TENM1: variants seen among roughly 807,000 people sequenced by gnomAD.
TENM1 encodes the protein teneurin transmembrane protein 1.
TENM1 carries 35 observed loss-of-function variants against 174.8 expected under a neutral mutation model. The ratio of observed to expected loss-of-function variants is 0.20; its 90% CI spans 0.15 to 0.27. The LOEUF is 0.27. Among genes scored for constraint, TENM1 ranks in the 10% least tolerant of loss-of-function variants. The pLI, the probability that TENM1 is intolerant of heterozygous loss-of-function variation, is 1.00. For missense variants in TENM1, 1,633 were observed against 2,130.1 expected (o/e 0.77, Z 4.59); for synonymous variants, 781 against 798.7 (o/e 0.98, Z 0.37).
chrX:124,511,090 C>T (rs987407891), intron 18 of TENM1, among the ~76,000 whole-genome samples: 1 of 112,069 alleles, frequency 8.9e-6, no homozygotes, highest in African/African-American at 3.2e-5. Context: ...AAAATGTATA[C>T]AACTCATATC....
chrX:124,975,433 AAATTT>A, the TENM1 span, among the ~76,000 whole-genome samples: 1 of 112,152 alleles, frequency 8.9e-6, no homozygotes, highest in African/African-American at 3.2e-5. Flanking sequence ...ATGTAATATC[AAATTT>A]AATACAGTAT....
the TENM1 span, among the ~76,000 whole-genome samples, chrX:125,039,755 A>T: frequency 1.8e-5 from 2 of 110,625 alleles, no homozygotes; most frequent in East Asian, 5.7e-4. Flanking sequence ...CTTTGATCCT[A>T]GTTTTCTTTT....
rs752499520 is a variant in TENM1, at chrX:124,421,616, T to C, written c.4471+656A>G. On this transcript the variant is annotated intron_variant, in intron 24 of 31. Coordinates refer to ENST00000422452, the Ensembl canonical transcript of TENM1. ...CTACATGTTTTGGGGAGAAGGCTCT[T>C]TTTTTTTTTTTTTTCCAATTTCGAT... Among the ~76,000 whole-genome samples, 176 of 39,528 alleles carry C rather than the reference T, an allele frequency of 4.5e-3. No homozygotes were observed. The Admixed American group carries it at 0.047, about 10-fold the overall frequency. The allele number at this position is 39,528 out of a possible 115,157, so 34.3% of individuals were successfully genotyped here.
At chrX:125,118,988 T>C in the TENM1 span, among the ~76,000 whole-genome samples, 3 of 111,421 alleles carry the variant, frequency 2.7e-5, no homozygotes, top group Non-Finnish European at 5.7e-5. Flanking sequence ...GGAAAGATCC[T>C]ATGTGTTGGG....
chrX:124,614,906 T>A (rs2050363520), intron 11 of TENM1, among the ~76,000 whole-genome samples: 1 of 111,531 alleles, frequency 9.0e-6, no homozygotes, highest in South Asian at 3.8e-4. Flanking sequence ...AAAGCAGCAT[T>A]AAGTGGTAAC....
intron 1 of TENM1, among the ~76,000 whole-genome samples, chrX:124,905,689 TGGTAGTGCG>T (rs2057737069): frequency 1.8e-5 from 2 of 111,398 alleles, no homozygotes; most frequent in Non-Finnish European, 3.8e-5. Context: ...AAGACTAAGC[TGGTAGTGCG>T]GGAAGGCCAA....
intron 5 of TENM1, among the ~76,000 whole-genome samples, chrX:124,690,028 A>G (rs2052476759): frequency 8.9e-6 from 1 of 111,831 alleles, no homozygotes; most frequent in Non-Finnish European, 1.9e-5. Context: ...TGAGACTATG[A>G]TTATGCATAA....
In TENM1 at chrX:124,895,425, CATA is replaced by C. The variant is rs200904666; in HGVS notation, c.478+553_478+555del. Among the ~76,000 whole-genome samples the C allele has an allele frequency of 9.0e-3, 1,006 of 112,082 alleles. 14 individuals are homozygous for C. Among genetic ancestry groups the C allele is most frequent in the African/African-American group, 0.031 (942 of 30,881 alleles). ...GCAAGAAAATCATATATGATTATGA[CATA>C]ATGATACTGCTGCTAGTCCTTATTG... On this transcript the variant is annotated intron_variant, in intron 2 of 31. Transcript: ENST00000422452.
At chrX:124,583,204 G>T (rs1369896382) in intron 11 of TENM1, among the ~76,000 whole-genome samples, 2 of 111,497 alleles carry the variant, frequency 1.8e-5, no homozygotes, top group Non-Finnish European at 3.8e-5. Context: ...CACGCAGCTG[G>T]AGATCTGAGA....
At chrX:124,770,531 G>A (rs184018118) in intron 3 of TENM1, among the ~76,000 whole-genome samples, 103 of 110,535 alleles carry the variant, frequency 9.3e-4, no homozygotes, top group Middle Eastern at 4.6e-3. Context: ...TCAGCCTCCC[G>A]AGTAGCTGGT....
rs1042495451 is a variant in TENM1 at position 124,467,539 on chromosome X, G to A, written c.3950-14048C>T. On this transcript the variant is annotated intron_variant, in intron 22 of 31. Transcript: ENST00000422452. ...AAACCAATCTGTTCAGAAAATAACGGATTAATGCAGGGGTCCTTGATGAAC... is the reference window on the plus strand; with the variant it reads ...AAACCAATCTGTTCAGAAAATAACGAATTAATGCAGGGGTCCTTGATGAAC... 8.1e-5 allele frequency among the ~76,000 whole-genome samples: 9 copies of A among 111,790 alleles called. No homozygotes were observed. In the East Asian group the frequency reaches 8.4e-4, roughly 10 times the overall value.
chrX:124,690,471 C>A (rs2052488638), intron 5 of TENM1, among the ~76,000 whole-genome samples: 1 of 101,002 alleles, frequency 9.9e-6, no homozygotes, highest in South Asian at 4.7e-4. Context: ...GATTTTATAA[C>A]CTGCTTTGTT....
intron 4 of TENM1, among the ~76,000 whole-genome samples, chrX:124,709,776 T>C (rs2053000543): frequency 9.0e-6 from 1 of 110,821 alleles, no homozygotes; most frequent in Non-Finnish European, 1.9e-5. Flanking sequence ...AAATACTATC[T>C]GTTCAAACAG....
chrX:124,537,178 G>C (rs1019438932), intron 15 of TENM1, among the ~76,000 whole-genome samples: 1 of 111,114 alleles, frequency 9.0e-6, no homozygotes, highest in Non-Finnish European at 1.9e-5. Flanking sequence ...CCTCTCCCCG[G>C]TTACCTCACA....
chrX:125,182,393 C>G, the TENM1 span, among the ~76,000 whole-genome samples: 1 of 94,875 alleles, frequency 1.1e-5, no homozygotes, highest in Non-Finnish European at 2.0e-5. Flanking sequence ...TTGTCATGTT[C>G]ACATGACATG....
At chrX:125,065,857 G>A in the TENM1 span, among the ~76,000 whole-genome samples, 1 of 111,907 alleles carries the variant, frequency 8.9e-6, no homozygotes, top group African/African-American at 3.2e-5. Flanking sequence ...GGTGATGTGA[G>A]CATAGGCTGT....
chrX:124,452,240 C>T (rs1328295057), intron 23 of TENM1, among the ~76,000 whole-genome samples: 1 of 112,729 alleles, frequency 8.9e-6, no homozygotes, highest in Non-Finnish European at 1.9e-5. Flanking sequence ...CAAAAGAGGA[C>T]ATTTATGCAG....
intron 3 of TENM1, among the ~76,000 whole-genome samples, chrX:124,871,231 G>A (rs1351858361): frequency 9.0e-6 from 1 of 111,674 alleles, no homozygotes; most frequent in African/African-American, 3.3e-5. Context: ...AGAAAAGGAT[G>A]CTAACCTGTA....
chrX:124,771,413 A>G (rs557107509), intron 3 of TENM1, among the ~76,000 whole-genome samples: 1 of 112,646 alleles, frequency 8.9e-6, no homozygotes, highest in African/African-American at 3.2e-5. Flanking sequence ...CAGACCAATT[A>G]AGGTAGAAGC....
Sources: gnomAD v4.1 joint callset for allele counts (sites outside exome capture counted in the v4.1 genomes callset) on GRCh38, gnomAD v4.1.1 for gene constraint, MANE v1.5 for transcripts, NCBI Gene and HGNC (gene_info 2026-07-23, HGNC 2026-07-21) for gene names.